Variants in DHX9 observed in about 807,000 individuals in gnomAD.
DHX9 encodes DExH-box helicase 9.
Under a neutral mutation model 148.7 loss-of-function variants are expected in DHX9, and 27 were observed. The observed-to-expected ratio is 0.18, with a 90% confidence interval of 0.13 to 0.25. DHX9 has a LOEUF of 0.25. Among genes scored for constraint, DHX9 ranks in the 10% least tolerant of loss-of-function variants. The pLI, the probability that DHX9 is intolerant of heterozygous loss-of-function variation, is 1.00. For missense variants in DHX9, 796 were observed against 1,559.6 expected (o/e 0.51, Z 8.25); for synonymous variants, 529 against 516.6 (o/e 1.02, Z -0.33).
intron 12 of DHX9, among the ~76,000 whole-genome samples, chr1:182,864,254 T>C (rs1648179920): frequency 6.6e-6 from 1 of 152,150 alleles, no homozygotes; most frequent in African/African-American, 2.4e-5. Flanking sequence ...ACCTAACTGA[T>C]GTTTATTTTT....
At position 182,886,982 on chromosome 1, in the gene DHX9, C is replaced by T. The variant is rs1649359047; in HGVS notation, c.3462-101C>T. ...CTATTTGTGCATTTGGCTTCATTCC[C>T]TTTATTAAATTTTCAAATATAACTA... is the stretch of plus-strand genomic sequence containing the variant. On this transcript the variant is annotated intron_variant, in intron 27 of 27. Coordinates refer to ENST00000367549, the MANE Select transcript of DHX9 (RefSeq NM_001357.5). The T allele has an allele frequency of 4.5e-6, 5 of 1,123,028 alleles. No individual in the cohort carries two copies. The East Asian group carries it at 7.2e-5, about 16-fold the overall frequency. The allele number at this position is 1,123,028 out of a possible 1,614,324, so 69.6% of individuals were successfully genotyped here.
At chr1:182,849,604 G>A (rs929579222) in intron 3 of DHX9, among the ~76,000 whole-genome samples, 1 of 152,158 alleles carries the variant, frequency 6.6e-6, no homozygotes, top group African/African-American at 2.4e-5. Context: ...ACAGCTTTCT[G>A]CAACAAATAA....
chr1:182,847,540 T>C (rs1668054980), intron 3 of DHX9, among the ~76,000 whole-genome samples: 1 of 152,214 alleles, frequency 6.6e-6, no homozygotes, highest in Non-Finnish European at 1.5e-5. Context: ...ATCTGCCCTG[T>C]ACATGAGTGG....
chr1:182,878,690 G>A (rs765073863), intron 20 of DHX9, among the ~76,000 whole-genome samples: 2 of 151,978 alleles, frequency 1.3e-5, no homozygotes, highest in African/African-American at 2.4e-5. Context: ...TTTTTTTCTT[G>A]GTAATATTTG....
intron 1 of DHX9, among the ~76,000 whole-genome samples, chr1:182,841,207 C>T (rs1186144239): frequency 6.6e-6 from 1 of 152,062 alleles, no homozygotes; most frequent in Non-Finnish European, 1.5e-5. Context: ...AGGAGAATCG[C>T]TTGAACCTGG....
At chr1:182,864,735 A>G (rs976757408) in intron 12 of DHX9, among the ~76,000 whole-genome samples, 2 of 152,186 alleles carry the variant, frequency 1.3e-5, no homozygotes, top group African/African-American at 2.4e-5. Context: ...TTCTAGTCGT[A>G]CTTAGAGAAA....
chr1:182,844,810 C>T (rs1667998496), intron 3 of DHX9, among the ~76,000 whole-genome samples: 1 of 152,210 alleles, frequency 6.6e-6, no homozygotes, highest in Non-Finnish European at 1.5e-5. Context: ...AGCTACGGCG[C>T]CTGGCCCACG....
intron 14 of DHX9, 71 bp from the exon 15 acceptor site, chr1:182,872,265 TA>T: frequency 7.6e-7 from 1 of 1,313,536 alleles, no homozygotes; most frequent in Non-Finnish European, 1.1e-6. Context: ...TATGGCTGTA[TA>T]ACTCTTTTAG....
intron 6 of DHX9, 142 bp downstream of exon 6, chr1:182,854,320 A>G (rs1251109426): frequency 3.8e-6 from 3 of 798,938 alleles, no homozygotes; most frequent in East Asian, 5.5e-5. Flanking sequence ...GTTAATTTGC[A>G]CAAGAATAAT....
At chr1:182,865,161 C>T (rs576049036) in intron 12 of DHX9, among the ~76,000 whole-genome samples, 13 of 152,286 alleles carry the variant, frequency 8.5e-5, no homozygotes, top group East Asian at 3.9e-4. Context: ...TTGGAAAGGA[C>T]GCAGAAAACT....
chr1:182,876,818 C>G lies in DHX9; in HGVS notation c.2125-12C>G. 6.2e-7 allele frequency: 1 copy of G among 1,601,368 alleles called. No individual in the cohort carries two copies. The highest frequency in any genetic ancestry group is 2.2e-5 in the East Asian group (1 of 44,744). Reference sequence around the variant, plus strand: ...GAATATTTTCTGGAGTGTAATTTTTCTTTCTTCACAGGTTATTTTGTCCAC... The same window carrying G: ...GAATATTTTCTGGAGTGTAATTTTTGTTTCTTCACAGGTTATTTTGTCCAC... On this transcript the variant is annotated splice_polypyrimidine_tract_variant and intron_variant, in intron 18 of 27. Transcript: ENST00000367549.
intron 26 of DHX9, 76 bp from the exon 27 acceptor site, chr1:182,884,536 AT>A (rs781738857): frequency 1.6e-6 from 2 of 1,231,338 alleles, no homozygotes; most frequent in Non-Finnish European, 2.3e-6. Context: ...ATAATGTGCC[AT>A]GTGTGAAGTT....
At position 182,876,037 on chromosome 1, in the gene DHX9, C is replaced by T. The variant is rs1398584793; in HGVS notation, c.1816-13C>T. 1.9e-6 allele frequency: 3 copies of T among 1,610,884 alleles called. No homozygotes were observed. Among genetic ancestry groups the T allele is most frequent in the South Asian group, 1.1e-5 (1 of 90,732 alleles). Reference sequence around the variant, plus strand: ...TGAGACAATCCAAAAATATGTCTCCCTGTTTTTTACAGGCAAATTGCAACT... The same window carrying T: ...TGAGACAATCCAAAAATATGTCTCCTTGTTTTTTACAGGCAAATTGCAACT... On this transcript the variant is annotated splice_polypyrimidine_tract_variant and intron_variant, in intron 16 of 27. Coordinates refer to ENST00000367549, the MANE Select transcript of DHX9 (RefSeq NM_001357.5).
At chr1:182,856,416 A>ATTTTTTTTTTT in intron 6 of DHX9, 116 bp from the exon 7 acceptor site, 1 of 728,978 alleles carries the variant, frequency 1.4e-6, no homozygotes, top group Non-Finnish European at 2.3e-6. Flanking sequence ...AATGTTGGTA[A>ATTTTTTTTTTT]TTTTTTTTTT....
At chr1:182,877,951 A>G (rs1648891178) in intron 19 of DHX9, 70 bp from the exon 20 acceptor site, 3 of 1,546,462 alleles carry the variant, frequency 1.9e-6, no homozygotes, top group Non-Finnish European at 1.8e-6. Context: ...AGCATTCACT[A>G]CTTAGTGGAT....
intron 6 of DHX9, 60 bp from the exon 7 acceptor site, chr1:182,856,472 C>T (rs369532683): frequency 4.7e-6 from 7 of 1,491,794 alleles, no homozygotes; most frequent in Middle Eastern, 1.7e-4. Flanking sequence ...ACTTGGGAGA[C>T]CTGGATTTGC....
intron 14 of DHX9, among the ~76,000 whole-genome samples, chr1:182,869,182 G>A (rs1218289802): frequency 2.6e-5 from 4 of 152,168 alleles, no homozygotes; most frequent in African/African-American, 9.7e-5. Flanking sequence ...CTAGCACTTT[G>A]GGAGGCTGAG....
chr1:182,876,035 C>T lies in DHX9; in HGVS notation c.1816-15C>T, dbSNP rs1188313757. 2 of 1,609,326 alleles carry T rather than the reference C, an allele frequency of 1.2e-6. No individual in the cohort carries two copies. The highest frequency in any genetic ancestry group is 1.7e-6 in the Non-Finnish European group (2 of 1,176,486). ...ACTGAGACAATCCAAAAATATGTCT[C>T]CCTGTTTTTTACAGGCAAATTGCAA... On this transcript the variant is annotated splice_polypyrimidine_tract_variant and intron_variant, in intron 16 of 27. Coordinates refer to ENST00000367549, the MANE Select transcript of DHX9 (RefSeq NM_001357.5).
In DHX9 at chr1:182,884,599, T is replaced by A; in HGVS notation, c.3261-14T>A. 1 of 1,612,882 alleles carries A rather than the reference T, an allele frequency of 6.2e-7. No individual in the cohort carries two copies. Among genetic ancestry groups the A allele is most frequent in the East Asian group, 2.2e-5 (1 of 44,870 alleles). On this transcript the variant is annotated splice_polypyrimidine_tract_variant and intron_variant, in intron 26 of 27. Transcript: ENST00000367549. ...TACTCCCTCTCTTATTTTTAATGTA[T>A]TTCGCCACTTTAGGATTAAACTGCA...
Sources: allele counts gnomAD v4.1 joint callset (sites outside exome capture counted in the v4.1 genomes callset), GRCh38; gene constraint gnomAD v4.1.1; transcripts MANE v1.5; gene names NCBI Gene and HGNC (gene_info 2026-07-23, HGNC 2026-07-21).